The following SIPA1L1 variants were observed in gnomAD, a reference collection of about 807,000 sequenced individuals.
SIPA1L1 encodes signal induced proliferation associated 1 like 1.
In SIPA1L1, 26 loss-of-function variants were observed where a neutral mutation model predicts 162.7. That is an observed-to-expected ratio of 0.16 (90% CI 0.12 to 0.22). SIPA1L1 has a LOEUF of 0.22. Ranked by LOEUF, SIPA1L1 falls within the 10% of genes least tolerant of loss-of-function variation. The pLI is 1.00. For missense variants in SIPA1L1, 1,874 were observed against 2,241.0 expected (o/e 0.84, Z 3.31); for synonymous variants, 829 against 837.4 (o/e 0.99, Z 0.17).
At chr14:71,611,070 A>G (rs2038152156) in intron 5 of SIPA1L1, among the ~76,000 whole-genome samples, 1 of 152,198 alleles carries the variant, frequency 6.6e-6, no homozygotes, top group South Asian at 2.1e-4. Flanking sequence ...GCGAAGTCCT[A>G]GGCTGTTTAG....
chr14:71,444,562 C>T (rs1030601554), intron 2 of SIPA1L1, among the ~76,000 whole-genome samples: 1 of 152,090 alleles, frequency 6.6e-6, no homozygotes, highest in Non-Finnish European at 1.5e-5. Flanking sequence ...ATTGGCATTT[C>T]TTTTGCTCAT....
intron 2 of SIPA1L1, among the ~76,000 whole-genome samples, chr14:71,324,980 TC>T (rs904156957): frequency 6.6e-6 from 1 of 152,104 alleles, no homozygotes; most frequent in African/African-American, 2.4e-5. Flanking sequence ...AGTGGAGTAA[TC>T]TGAGCCAGCA....
At chr14:71,718,542 T>G (rs1217014056) in intron 17 of SIPA1L1, among the ~76,000 whole-genome samples, 1 of 152,110 alleles carries the variant, frequency 6.6e-6, no homozygotes, top group Non-Finnish European at 1.5e-5. Flanking sequence ...CCTGGCTACT[T>G]GGGGGGCTAA....
chr14:71,596,486 A>ATTATCCAAT (rs938358342), intron 5 of SIPA1L1, among the ~76,000 whole-genome samples: 3 of 152,228 alleles, frequency 2.0e-5, no homozygotes, highest in Non-Finnish European at 2.9e-5. Flanking sequence ...ACAAAAATGT[A>ATTATCCAAT]TTATCCAATT....
chr14:71,446,596 T>G (rs577587091), intron 2 of SIPA1L1, among the ~76,000 whole-genome samples: 1 of 152,288 alleles, frequency 6.6e-6, no homozygotes, highest in South Asian at 2.1e-4. Context: ...AAGAATTTAC[T>G]ATTTCATCTT....
At chr14:71,476,238 T>C (rs2047837306) in intron 2 of SIPA1L1, among the ~76,000 whole-genome samples, 1 of 152,156 alleles carries the variant, frequency 6.6e-6, no homozygotes, top group Admixed American at 6.5e-5. Context: ...TGGGCCTGGA[T>C]TGTAGTGGAC....
intron 2 of SIPA1L1, among the ~76,000 whole-genome samples, chr14:71,392,913 C>T (rs1353645930): frequency 6.6e-6 from 1 of 152,236 alleles, no homozygotes; most frequent in Non-Finnish European, 1.5e-5. Flanking sequence ...TGCCTGAAAG[C>T]TCTCAATAAA....
chr14:71,613,973 G>A (rs1398593420), intron 5 of SIPA1L1, among the ~76,000 whole-genome samples: 1 of 152,028 alleles, frequency 6.6e-6, no homozygotes, highest in Non-Finnish European at 1.5e-5. Flanking sequence ...AAGCTGAGGT[G>A]GGAAGATCAC....
intron 2 of SIPA1L1, among the ~76,000 whole-genome samples, chr14:71,421,837 A>C (rs1165678129): frequency 1.3e-5 from 2 of 152,162 alleles, no homozygotes; most frequent in Non-Finnish European, 2.9e-5. Context: ...AGCCTGCCTG[A>C]TGGTTCCTTG....
intron 17 of SIPA1L1, among the ~76,000 whole-genome samples, chr14:71,718,236 T>C (rs539736025): frequency 2.0e-4 from 31 of 152,340 alleles, no homozygotes; most frequent in African/African-American, 7.2e-4. Context: ...AGAGGCCCTG[T>C]GTACTGAAGT....
intron 4 of SIPA1L1, among the ~76,000 whole-genome samples, chr14:71,557,470 T>C (rs1351399567): frequency 6.6e-6 from 1 of 152,258 alleles, no homozygotes; most frequent in African/African-American, 2.4e-5. Context: ...TCATGGTTAC[T>C]ACAGGTTGTA....
intron 2 of SIPA1L1, among the ~76,000 whole-genome samples, chr14:71,387,141 G>A (rs771973808): frequency 2.0e-5 from 3 of 151,578 alleles, no homozygotes; most frequent in South Asian, 2.1e-4. Flanking sequence ...CCAGCTACTC[G>A]GGAGGCTGAG....
At chr14:71,458,815 A>G (rs1274247773) in intron 2 of SIPA1L1, among the ~76,000 whole-genome samples, 1 of 152,088 alleles carries the variant, frequency 6.6e-6, no homozygotes, top group African/African-American at 2.4e-5. Context: ...TCACGACTGT[A>G]ATCCTGTCAC....
At chr14:71,430,805 G>A (rs372110748) in intron 2 of SIPA1L1, among the ~76,000 whole-genome samples, 1 of 152,116 alleles carries the variant, frequency 6.6e-6, no homozygotes, top group Non-Finnish European at 1.5e-5. Flanking sequence ...TTCACCACCT[G>A]TCAAGTCACC....
At chr14:71,446,437 C>G (rs1345918517) in intron 2 of SIPA1L1, among the ~76,000 whole-genome samples, 2 of 152,060 alleles carry the variant, frequency 1.3e-5, no homozygotes, top group Non-Finnish European at 2.9e-5. Flanking sequence ...TATGGTGGCT[C>G]ACACCTGTAA....
chr14:71,587,511 T>C, intron 4 of SIPA1L1, 60 bp from the exon 5 acceptor site: 6 of 404,320 alleles, frequency 1.5e-5, no homozygotes, highest in Non-Finnish European at 2.2e-5. Context: ...GTTTTGACAA[T>C]TGCATGTTTG....
At chr14:71,586,579 T>C (rs1410108655) in intron 4 of SIPA1L1, 2 of 152,214 alleles carry the variant, frequency 1.3e-5, no homozygotes, top group African/African-American at 4.8e-5. Flanking sequence ...TGCCTTTCTT[T>C]TCAGAATGTA....
chr14:71,726,001 C>T (rs2150253446), intron 19 of SIPA1L1, among the ~76,000 whole-genome samples: 1 of 152,298 alleles, frequency 6.6e-6, no homozygotes, highest in African/African-American at 2.4e-5. Flanking sequence ...GGGGCTGCCG[C>T]CCTCAGGCTT....
rs370187868 is a variant in SIPA1L1 at position 71,581,748 on chromosome 14, A to G, written c.-302-5823A>G. Among the ~76,000 whole-genome samples the G allele has an allele frequency of 4.6e-5, 7 of 151,870 alleles. No homozygotes were observed. In the South Asian group the frequency reaches 1.5e-3, roughly 32 times the overall value. On this transcript the variant is annotated intron_variant, in intron 4 of 23. Transcript: ENST00000381232. ...TGCTATCCTGATGGCAGGCATGGAA[A>G]CTCTCAATGCCCCCAATAAGTTAGT...
Sources: gnomAD v4.1 joint callset for allele counts (sites outside exome capture counted in the v4.1 genomes callset) on GRCh38, gnomAD v4.1.1 for gene constraint, MANE v1.5 for transcripts, NCBI Gene and HGNC (gene_info 2026-07-23, HGNC 2026-07-21) for gene names.